Variants in MYO9A observed in about 807,000 individuals in gnomAD.
The protein encoded by MYO9A is myosin IXA.
In MYO9A, 103 loss-of-function variants were observed where a neutral mutation model predicts 293.3. The ratio of observed to expected loss-of-function variants is 0.35; its 90% CI spans 0.30 to 0.41. The LOEUF (loss-of-function observed/expected upper bound fraction) is 0.41, where lower values mean the gene tolerates loss of function less well. Ranked by LOEUF, MYO9A falls within the 10% of genes least tolerant of loss-of-function variation. The pLI, the probability that MYO9A is intolerant of heterozygous loss-of-function variation, is 1.00. For synonymous variants in MYO9A, 1,001 were observed against 1,035.7 expected (o/e 0.97, Z 0.64); for missense variants, 2,685 against 3,033.0 (o/e 0.89, Z 2.69).
intron 18 of MYO9A, among the ~76,000 whole-genome samples, chr15:71,917,490 G>A (rs986390330): frequency 6.6e-6 from 1 of 152,070 alleles, no homozygotes; most frequent in African/African-American, 2.4e-5. Flanking sequence ...AGCCAAGATT[G>A]AGCCACTGCA....
At chr15:71,891,320 G>A (rs1247625004) in intron 26 of MYO9A, 1 of 152,204 alleles carries the variant, frequency 6.6e-6, no homozygotes, top group Non-Finnish European at 1.5e-5. Flanking sequence ...CAAGCAGAAA[G>A]CCCAACTTCC....
rs201188859 is a variant in MYO9A, at chr15:71,960,065, C to T, written c.2018G>A (p.Arg673His). The T allele has an allele frequency of 1.2e-4, 198 of 1,613,782 alleles. No homozygotes were observed. The highest frequency in any genetic ancestry group is 1.6e-4 in the Non-Finnish European group (188 of 1,179,928). ...TCTCAGAAGAGCTACAATGTCTGGG[C>T]GCATATGATCTGTATTTTTTTCCCG... ...DFREKNTDHMRPDIVALLRSS... is the reference protein window; with the variant it reads ...DFREKNTDHMHPDIVALLRSS... Residue 673 changes from arginine (R) to histidine (H), a missense_variant, in exon 14 of 42, where the codon CGC (arginine) becomes CAC (histidine). Physicochemically the swap from Arg to His is conservative, Grantham distance 29 (BLOSUM62 0). This residue lies in a region of MYO9A where 201 missense variants were observed against 245.2 expected (regional missense o/e 0.82). Coordinates refer to ENST00000356056, the MANE Select transcript of MYO9A (RefSeq NM_006901.4).
intron 1 of MYO9A, among the ~76,000 whole-genome samples, chr15:72,099,489 C>T (rs2080191283): frequency 6.6e-6 from 1 of 150,536 alleles, no homozygotes; most frequent in Admixed American, 6.6e-5. Flanking sequence ...GTAGTCCCAG[C>T]TACTCAGGAT....
Position 71,972,197 on chromosome 15 carries a change from A to G in MYO9A, c.1845-4072T>C, listed in dbSNP as rs2076029596. 3 of 152,234 alleles carry G rather than the reference A, an allele frequency of 2.0e-5. No individual in the cohort carries two copies. The South Asian group carries it at 6.2e-4, about 31-fold the overall frequency. 9.4% of individuals were successfully genotyped at this position (152,234 alleles called of 1,614,324 possible). On this transcript the variant is annotated intron_variant, in intron 12 of 41. Transcript: ENST00000356056. ...AGCCTCCATAAAAACCCAAAAGGAC[A>G]GCACTTAGAGAGCTTCCAGATAGCC...
chr15:71,965,605 G>C (rs2075852478), intron 13 of MYO9A, among the ~76,000 whole-genome samples: 1 of 152,142 alleles, frequency 6.6e-6, no homozygotes, highest in African/African-American at 2.4e-5. Flanking sequence ...AATTCGCTGG[G>C]CGTGGTGGAG....
At chr15:72,001,759 T>C (rs35491098) in intron 8 of MYO9A, among the ~76,000 whole-genome samples, 2,071 of 151,956 alleles carry the variant, frequency 0.014, 21 homozygotes, top group East Asian at 0.025. Context: ...TTTCAAAAAC[T>C]GGAAATAATT....
At chr15:72,073,322 T>C (rs1388596449) in intron 1 of MYO9A, among the ~76,000 whole-genome samples, 1 of 152,200 alleles carries the variant, frequency 6.6e-6, no homozygotes, top group Non-Finnish European at 1.5e-5. Flanking sequence ...GAAGAGGTAA[T>C]TATTTCAACC....
At chr15:72,033,555 T>C (rs1252213270) in intron 2 of MYO9A, among the ~76,000 whole-genome samples, 2 of 152,128 alleles carry the variant, frequency 1.3e-5, no homozygotes. Context: ...AAAGTACATA[T>C]CATATAATCT....
rs2056045130 is a variant in MYO9A at position 71,859,929 on chromosome 15, T to A, written c.6092-133A>T. 5 of 655,068 alleles carry A rather than the reference T, an allele frequency of 7.6e-6. No homozygotes were observed. The East Asian group carries it at 1.1e-4, about 15-fold the overall frequency. The allele number at this position is 655,068 out of a possible 1,614,324, so 40.6% of individuals were successfully genotyped here. On this transcript the variant is annotated intron_variant, in intron 33 of 41. Coordinates refer to ENST00000356056, the MANE Select transcript of MYO9A (RefSeq NM_006901.4). ...GACTGCTGTAATATGACATACATAC[T>A]TTGTACAATGGTGTAATTAAAAAGA...
intron 18 of MYO9A, among the ~76,000 whole-genome samples, chr15:71,931,524 C>T (rs1368479380): frequency 2.0e-5 from 3 of 152,066 alleles, no homozygotes; most frequent in African/African-American, 7.2e-5. Context: ...TTAAAAAATA[C>T]TCTGTCTTTA....
intron 40 of MYO9A, among the ~76,000 whole-genome samples, chr15:71,829,152 TG>T (rs2054620855): frequency 6.6e-6 from 1 of 152,206 alleles, no homozygotes. Flanking sequence ...AAAGCCAAAC[TG>T]GGTCTTCTTT....
chr15:71,855,664 G>A (rs1163165258), intron 34 of MYO9A, among the ~76,000 whole-genome samples: 1 of 152,058 alleles, frequency 6.6e-6, no homozygotes, highest in Non-Finnish European at 1.5e-5. Flanking sequence ...CAGTTGCCAA[G>A]TCAATCAGTT....
chr15:71,858,724 A>C (rs1290997095), intron 34 of MYO9A: 1 of 88,406 alleles, frequency 1.1e-5, no homozygotes, highest in Non-Finnish European at 2.2e-5. Context: ...GGGAGGGGGG[A>C]GGGATAGCAT....
At chr15:71,920,719 GAGC>G (rs2058134357) in intron 18 of MYO9A, among the ~76,000 whole-genome samples, 1 of 152,070 alleles carries the variant, frequency 6.6e-6, no homozygotes. Flanking sequence ...AGGCTGAGGT[GAGC>G]AGATCACTTG....
chr15:72,040,882 A>G (rs2078207509), intron 2 of MYO9A, among the ~76,000 whole-genome samples: 1 of 152,236 alleles, frequency 6.6e-6, no homozygotes, highest in African/African-American at 2.4e-5. Flanking sequence ...GGATAGCAGT[A>G]CAAGCAGTAC....
intron 18 of MYO9A, among the ~76,000 whole-genome samples, chr15:71,925,040 C>T (rs996297854): frequency 3.3e-5 from 5 of 152,094 alleles, no homozygotes; most frequent in Middle Eastern, 6.8e-3. Flanking sequence ...TCGTTCTTTG[C>T]TGATTTTCTG....
rs757733166 is a variant in MYO9A at position 71,827,871 on chromosome 15, C to T, written c.7183+13G>A. 3 of 1,609,560 alleles carry T rather than the reference C, an allele frequency of 1.9e-6. No homozygotes were observed. Among genetic ancestry groups the T allele is most frequent in the Admixed American group, 1.7e-5 (1 of 59,218 alleles). ...AACAAATCTGGAGTCTTTGGTCTAC[C>T]ATGTTCACTTACCTGATTTCTCAGA... On this transcript the variant is annotated intron_variant, in intron 41 of 41. Coordinates refer to ENST00000356056, the MANE Select transcript of MYO9A (RefSeq NM_006901.4).
In MYO9A at chr15:71,826,557, C is replaced by A; in HGVS notation, c.*23G>T. Reference sequence around the variant, plus strand: ...AGATTTGTTTACCACTCTGTAGCCACGGAGGGACACACATCTGCCGGTTCA... The same window carrying A: ...AGATTTGTTTACCACTCTGTAGCCAAGGAGGGACACACATCTGCCGGTTCA... On this transcript the variant is annotated 3_prime_UTR_variant, in exon 42 of 42. Coordinates refer to ENST00000356056, the MANE Select transcript of MYO9A (RefSeq NM_006901.4). 1 of 1,551,418 alleles carries A rather than the reference C, an allele frequency of 6.4e-7. No homozygotes were observed. The highest frequency in any genetic ancestry group is 8.7e-7 in the Non-Finnish European group (1 of 1,154,288).
intron 4 of MYO9A, among the ~76,000 whole-genome samples, chr15:72,023,695 C>CAAAAA (rs368209775): frequency 3.3e-4 from 17 of 50,816 alleles, no homozygotes; most frequent in Admixed American, 4.3e-4. Flanking sequence ...AACTCTGTCT[C>CAAAAA]AAAAAAAAAA....
Sources: allele counts gnomAD v4.1 joint callset (sites outside exome capture counted in the v4.1 genomes callset), GRCh38; gene constraint gnomAD v4.1.1; regional missense constraint gnomAD v4.1.1; transcripts MANE v1.5; gene names NCBI Gene and HGNC (gene_info 2026-07-23, HGNC 2026-07-21).